The following ADCY5 variants were observed in gnomAD, a reference collection of about 807,000 sequenced individuals.
The protein encoded by ADCY5 is adenylate cyclase 5, also known as adenylate cyclase type 5.
Under a neutral mutation model 119.7 loss-of-function variants are expected in ADCY5, and 30 were observed. The observed-to-expected ratio is 0.25, with a 90% confidence interval of 0.19 to 0.34. The LOEUF (loss-of-function observed/expected upper bound fraction) is 0.34. Among genes scored for constraint, ADCY5 ranks in the 10% least tolerant of loss-of-function variants. The pLI, the probability that ADCY5 is intolerant of heterozygous loss-of-function variation, is 1.00. For synonymous variants in ADCY5, 753 were observed against 762.2 expected (o/e 0.99, Z 0.20); for missense variants, 1,324 against 1,775.2 (o/e 0.75, Z 4.57).
chr3:123,282,856 C>T lies in ADCY5; in HGVS notation c.*1752G>A, dbSNP rs1371144730. On this transcript the variant is annotated 3_prime_UTR_variant, in exon 21 of 21. Coordinates refer to ENST00000462833, the MANE Select transcript of ADCY5 (RefSeq NM_183357.3). ...GTGGCAGCTGGCACAGAGCCACTGC[C>T]TCATCACCTCCAAGCTCATGTTGGA... 1.3e-5 allele frequency: 2 copies of T among 152,106 alleles called. No individual in the cohort carries two copies. The highest frequency in any genetic ancestry group is 4.8e-5 in the African/African-American group (2 of 41,376). The allele number at this position is 152,106 out of a possible 1,614,324, so 9.4% of individuals were successfully genotyped here.
At chr3:123,287,016 T>C in intron 19 of ADCY5, 3 of 604,742 alleles carry the variant, frequency 5.0e-6, no homozygotes, top group Non-Finnish European at 5.3e-6. Flanking sequence ...AGCCTGCACC[T>C]GTGTCCTCGA....
At position 123,400,046 on chromosome 3, in the gene ADCY5, A is replaced by G. The variant is rs564273285; in HGVS notation, c.1134+47366T>C. Among the ~76,000 whole-genome samples the G allele has an allele frequency of 2.6e-5, 4 of 152,340 alleles. No individual in the cohort carries two copies. In the East Asian group the frequency reaches 5.8e-4, roughly 22 times the overall value. The stretch of plus-strand genomic sequence containing the variant: ...GAACATGGGTTCAGACGCAGCAGTT[A>G]CATGTTCTCTTGCCCCATCAAGAAT... On this transcript the variant is annotated intron_variant, in intron 1 of 20. Transcript: ENST00000462833.
At chr3:123,427,358 G>A (rs970152122) in intron 1 of ADCY5, among the ~76,000 whole-genome samples, 6 of 152,138 alleles carry the variant, frequency 3.9e-5, no homozygotes, top group Non-Finnish European at 5.9e-5. Context: ...ATGTATTGGC[G>A]CAGAAGTCTA....
chr3:123,309,876 G>A (rs1174456998), intron 12 of ADCY5, among the ~76,000 whole-genome samples: 1 of 152,124 alleles, frequency 6.6e-6, no homozygotes. Context: ...CTGTGGACCA[G>A]CAGTTGAGTT....
intron 1 of ADCY5, chr3:123,416,379 C>A (rs954599783): frequency 3.1e-5 from 46 of 1,495,444 alleles, no homozygotes; most frequent in Admixed American, 8.2e-5. Flanking sequence ...GGGGAAGACA[C>A]CAGGCTGCTT....
chr3:123,373,958 C>T (rs1943735421), intron 1 of ADCY5, among the ~76,000 whole-genome samples: 1 of 152,136 alleles, frequency 6.6e-6, no homozygotes, highest in Admixed American at 6.6e-5. Flanking sequence ...ATCATATGGT[C>T]AACTCCCAAA....
At chr3:123,380,012 G>A (rs1021712949) in intron 1 of ADCY5, among the ~76,000 whole-genome samples, 1 of 152,074 alleles carries the variant, frequency 6.6e-6, no homozygotes, top group African/African-American at 2.4e-5. Context: ...AACTCCAAAG[G>A]ACACAACCAG....
At chr3:123,395,463 G>A (rs1012278035) in intron 1 of ADCY5, among the ~76,000 whole-genome samples, 3 of 152,184 alleles carry the variant, frequency 2.0e-5, no homozygotes, top group Admixed American at 1.3e-4. Context: ...GGCGCTGCCT[G>A]TACACCGCCT....
At chr3:123,391,195 G>A (rs1944391632) in intron 1 of ADCY5, among the ~76,000 whole-genome samples, 1 of 152,186 alleles carries the variant, frequency 6.6e-6, no homozygotes, top group Non-Finnish European at 1.5e-5. Flanking sequence ...GGAGACGGAA[G>A]GGAAAGGAAG....
chr3:123,367,743 T>TC (rs1354767270), intron 1 of ADCY5, among the ~76,000 whole-genome samples: 1 of 151,818 alleles, frequency 6.6e-6, no homozygotes, highest in Non-Finnish European at 1.5e-5. Flanking sequence ...AAGTGCAGCT[T>TC]CCCTCGTGCC....
chr3:123,308,940 G>T (rs1157755473), intron 12 of ADCY5, among the ~76,000 whole-genome samples: 1 of 152,210 alleles, frequency 6.6e-6, no homozygotes, highest in African/African-American at 2.4e-5. Flanking sequence ...TTTCCAGCAG[G>T]ATAACTGCCT....
At chr3:123,289,646 C>T (rs1939012766) in intron 19 of ADCY5, 104 bp downstream of exon 19, 1 of 1,399,388 alleles carries the variant, frequency 7.1e-7, no homozygotes, top group African/African-American at 1.4e-5. Flanking sequence ...TGGCCTTCTA[C>T]CTTGGGACCA....
At chr3:123,447,298 T>G in intron 1 of ADCY5, 114 bp downstream of exon 1, 1 of 1,216,964 alleles carries the variant, frequency 8.2e-7, no homozygotes, top group Non-Finnish European at 1.1e-6. Flanking sequence ...CCGAGCCCTG[T>G]CTCTCTGGCT....
intron 1 of ADCY5, among the ~76,000 whole-genome samples, chr3:123,370,728 T>C (rs1456153104): frequency 6.6e-6 from 1 of 152,232 alleles, no homozygotes; most frequent in African/African-American, 2.4e-5. Flanking sequence ...AGCTTAGCCT[T>C]GACCCCAATA....
Position 123,318,128 on chromosome 3 carries a change from A to G in ADCY5, c.2257-11T>C, listed in dbSNP as rs764555393. ...TACCTGCTTGGAGTACTGAGAGGAGACGGGCAGGGTGAGAGGGGCCAAGGT... is the reference window on the plus strand; with the variant it reads ...TACCTGCTTGGAGTACTGAGAGGAGGCGGGCAGGGTGAGAGGGGCCAAGGT... On this transcript the variant is annotated splice_polypyrimidine_tract_variant and intron_variant, in intron 10 of 20. Coordinates refer to ENST00000462833, the MANE Select transcript of ADCY5 (RefSeq NM_183357.3). 3.0e-5 allele frequency: 49 copies of G among 1,608,300 alleles called. No individual in the cohort carries two copies. Among genetic ancestry groups the G allele is most frequent in the Non-Finnish European group, 4.1e-5 (48 of 1,176,012 alleles).
rs780464620 is a variant in ADCY5 at position 123,327,639 on chromosome 3, G to A, written c.1926C>T (p.Ile642=). 5.0e-6 allele frequency: 8 copies of A among 1,613,916 alleles called. No individual in the cohort carries two copies. The South Asian group carries it at 7.7e-5, about 16-fold the overall frequency. The change falls in exon 7 of 21, where the codon ATC becomes ATT. Residue 642 remains isoleucine, a synonymous_variant. Coordinates refer to ENST00000462833, the MANE Select transcript of ADCY5 (RefSeq NM_183357.3). ...AGACCCGCTTCTGGGTGCAGCGCAG[G>A]ATGAGGAAGGTCTCGATACTGTGCT... The part of the protein sequence containing the change: ...LKEHSIETFL[I]LRCTQKRKEE...
intron 1 of ADCY5, among the ~76,000 whole-genome samples, chr3:123,379,333 G>C (rs1276635058): frequency 1.3e-5 from 2 of 152,070 alleles, no homozygotes; most frequent in African/African-American, 4.8e-5. Flanking sequence ...GGTGATGCTG[G>C]TATAGAGGAC....
Position 123,447,573 on chromosome 3 carries a change from C to A in ADCY5, c.973G>T (p.Ala325Ser), listed in dbSNP as rs771518875. The A allele has an allele frequency of 1.2e-5, 19 of 1,608,466 alleles. No individual in the cohort carries two copies. The highest frequency in any genetic ancestry group is 1.6e-5 in the Non-Finnish European group (19 of 1,179,482). The stretch of plus-strand genomic sequence containing the variant: ...ACGGTCCACCAGATGCCCTCAGAGG[C>A]GCTGCGTGGCTGCGGCAGCAGCAGG... ...VGLLLPQPRS[A>S]SEGIWWTVFF... The change falls in exon 1 of 21, where the codon GCC becomes TCC. Residue 325 changes from alanine (A) to serine (S), a missense_variant. This residue lies in a region of ADCY5 where 585 missense variants were observed against 569.9 expected (regional missense o/e 1.03). Transcript: ENST00000462833.
chr3:123,375,892 C>T (rs549042649), intron 1 of ADCY5, among the ~76,000 whole-genome samples: 4 of 152,196 alleles, frequency 2.6e-5, no homozygotes, highest in African/African-American at 7.2e-5. Context: ...TTCTTAGGTA[C>T]GCACTGTGAG....
Sources: allele counts gnomAD v4.1 joint callset (sites outside exome capture counted in the v4.1 genomes callset), GRCh38; gene constraint gnomAD v4.1.1; regional missense constraint gnomAD v4.1.1; transcripts MANE v1.5; gene names NCBI Gene and HGNC (gene_info 2026-07-23, HGNC 2026-07-21).